The following MCOLN3 variants were observed in gnomAD, a reference collection of about 807,000 sequenced individuals.
The protein encoded by MCOLN3 is mucolipin-3.
MCOLN3 carries 62 observed loss-of-function variants against 69.4 expected under a neutral mutation model. That is an observed-to-expected ratio of 0.89 (90% CI 0.73 to 1.10). MCOLN3 has a LOEUF of 1.10. Among genes scored for constraint, MCOLN3 ranks in the 50% least tolerant of loss-of-function variants. The pLI is 0.00. For missense variants in MCOLN3, 564 were observed against 656.4 expected (o/e 0.86, Z 1.54); for synonymous variants, 183 against 217.0 (o/e 0.84, Z 1.38).
chr1:85,020,298 C>A (rs889390384), intron 12 of MCOLN3, among the ~76,000 whole-genome samples: 1 of 152,176 alleles, frequency 6.6e-6, no homozygotes, highest in Non-Finnish European at 1.5e-5. Flanking sequence ...CAGCTTCAAA[C>A]CAAGGCGTTC....
chr1:85,032,086 G>GAC (rs1475176879), intron 6 of MCOLN3, among the ~76,000 whole-genome samples: 5 of 149,986 alleles, frequency 3.3e-5, no homozygotes, highest in Non-Finnish European at 7.4e-5. Context: ...AAAAAAAGAA[G>GAC]AGAGAGAGAG....
In MCOLN3 at chr1:85,045,499, T is replaced by C. The variant is rs1653303825; in HGVS notation, c.-2-137A>G. On this transcript the variant is annotated intron_variant, in intron 1 of 12. Transcript: ENST00000370589. The stretch of plus-strand genomic sequence containing the variant: ...TCAAATAAGCACCATTGCTCTAAAC[T>C]GCATTTTAGATGTTTACAGAATCAG... 3 of 633,882 alleles carry C rather than the reference T, an allele frequency of 4.7e-6. No individual in the cohort carries two copies. In the Admixed American group the frequency reaches 9.2e-5, roughly 20 times the overall value. 39.3% of individuals were successfully genotyped at this position (633,882 alleles called of 1,614,324 possible).
At chr1:85,031,196 G>A (rs1398136517) in intron 6 of MCOLN3, among the ~76,000 whole-genome samples, 7 of 151,008 alleles carry the variant, frequency 4.6e-5, no homozygotes, top group Admixed American at 3.3e-4. Flanking sequence ...GCTTGAACCC[G>A]GGAGGCAGAG....
At chr1:85,019,525 C>T (rs143390441) in intron 12 of MCOLN3, among the ~76,000 whole-genome samples, 88 of 152,290 alleles carry the variant, frequency 5.8e-4, no homozygotes, top group Admixed American at 1.2e-3. Flanking sequence ...AAGTCTGAGT[C>T]GTCCTTCCAG....
At chr1:85,046,175 A>G (rs184704447) in intron 1 of MCOLN3, among the ~76,000 whole-genome samples, 2 of 152,358 alleles carry the variant, frequency 1.3e-5, no homozygotes, top group East Asian at 1.9e-4. Context: ...CTCAGGAAAC[A>G]TAACTGTTGT....
chr1:85,020,159 T>C (rs1034723961), intron 12 of MCOLN3, among the ~76,000 whole-genome samples: 15 of 152,196 alleles, frequency 9.9e-5, no homozygotes, highest in African/African-American at 3.6e-4. Flanking sequence ...TCTTTCCCAG[T>C]TGCCTTGGTG....
intron 2 of MCOLN3, among the ~76,000 whole-genome samples, chr1:85,044,712 C>CT (rs1324089962): frequency 3.3e-5 from 5 of 152,174 alleles, no homozygotes; most frequent in Admixed American, 3.3e-4. Context: ...TTGTGAGAAT[C>CT]TAAGAATTTG....
In MCOLN3 at chr1:85,022,403, AAGAG is replaced by A; in HGVS notation, c.1096-7_1096-4del. Reference sequence around the variant, plus strand: ...CAGACATCATAACTAGTTAGACTCTAAGAGAGAGTGGAAAAATATAATCAGATTA... The same window carrying A: ...CAGACATCATAACTAGTTAGACTCTAAGAGTGGAAAAATATAATCAGATTA... On this transcript the variant is annotated splice_region_variant and splice_polypyrimidine_tract_variant and intron_variant, in intron 9 of 12. Transcript: ENST00000370589. The A allele has an allele frequency of 6.4e-7, 1 of 1,566,732 alleles. No individual in the cohort carries two copies.
intron 4 of MCOLN3, 104 bp downstream of exon 4, chr1:85,033,994 C>G: frequency 8.1e-7 from 1 of 1,238,294 alleles, no homozygotes; most frequent in Non-Finnish European, 1.1e-6. Context: ...TTACTATGTC[C>G]TAATATCACA....
At chr1:85,040,394 G>GCTTT (rs1049991815) in intron 3 of MCOLN3, among the ~76,000 whole-genome samples, 41 of 152,254 alleles carry the variant, frequency 2.7e-4, no homozygotes, top group African/African-American at 9.9e-4. Context: ...CTTCAAGGAC[G>GCTTT]CTTTCAATGA....
chr1:85,033,879 A>C (rs986042677), intron 4 of MCOLN3, among the ~76,000 whole-genome samples: 1 of 152,194 alleles, frequency 6.6e-6, no homozygotes, highest in African/African-American at 2.4e-5. Flanking sequence ...CTTCTATAAA[A>C]GGGGATAATA....
intron 2 of MCOLN3, among the ~76,000 whole-genome samples, chr1:85,042,290 C>G (rs1487240440): frequency 6.6e-6 from 1 of 152,184 alleles, no homozygotes; most frequent in Non-Finnish European, 1.5e-5. Flanking sequence ...AATCTAGGTT[C>G]TATCCACCCT....
At chr1:85,026,735 T>C (rs1021787576) in intron 7 of MCOLN3, among the ~76,000 whole-genome samples, 1 of 148,024 alleles carries the variant, frequency 6.8e-6, no homozygotes, top group African/African-American at 2.5e-5. Flanking sequence ...CCAGGCTGGG[T>C]GACAGAGCGA....
Position 85,021,140 on chromosome 1 carries a change from A to C in MCOLN3, c.1457T>G (p.Ile486Ser). 1 of 1,612,914 alleles carries C rather than the reference A, an allele frequency of 6.2e-7. No individual in the cohort carries two copies. The highest frequency in any genetic ancestry group is 8.5e-7 in the Non-Finnish European group (1 of 1,179,302). Residue 486 changes from isoleucine (I) to serine (S), a missense_variant, in exon 12 of 13, where the codon ATC becomes AGC. Coordinates refer to ENST00000370589, the MANE Select transcript of MCOLN3 (RefSeq NM_018298.11). ...TAAAATCATATATATAAAGAGGCTG[A>C]TGAATGAGTAGAGGTAAATTCTACT... is the stretch of plus-strand genomic sequence containing the variant. Reference protein sequence around the residue: ...LFSRIYLYSFISLFIYMILSL... With the variant: ...LFSRIYLYSFSSLFIYMILSL...
chr1:85,027,823 G>T (rs934944574), intron 7 of MCOLN3, among the ~76,000 whole-genome samples: 1 of 152,144 alleles, frequency 6.6e-6, no homozygotes, highest in African/African-American at 2.4e-5. Context: ...GCCACCATGC[G>T]TGGAGCCAAT....
chr1:85,033,070 T>C (rs1652620336), intron 4 of MCOLN3, 114 bp from the exon 5 acceptor site: 2 of 948,192 alleles, frequency 2.1e-6, no homozygotes, highest in South Asian at 1.5e-5. Flanking sequence ...GATTCTATTA[T>C]TTTTCTGAAT....
At chr1:85,021,986 AG>A (rs981067519) in intron 11 of MCOLN3, 83 bp downstream of exon 11, 1 of 1,488,908 alleles carries the variant, frequency 6.7e-7, no homozygotes, top group African/African-American at 1.4e-5. Context: ...ACAAAATAAA[AG>A]GAGTTCATTG....
chr1:85,032,774 A>C lies in MCOLN3; in HGVS notation c.654T>G (p.Leu218=). The C allele has an allele frequency of 6.2e-7, 1 of 1,614,108 alleles. No individual in the cohort carries two copies. Among genetic ancestry groups the C allele is most frequent in the Non-Finnish European group, 8.5e-7 (1 of 1,179,936 alleles). Residue 218 remains leucine (L), a synonymous_variant, in exon 6 of 13, where the codon CTT becomes CTG. Transcript: ENST00000370589. ...GATTAATGGCTTTCAGTTTAAACTG[A>C]AGCTCCACTGTTAGGAGTCTAGAAA... ...LDFHRLLTVE[L]QFKLKAINLQ...
At chr1:85,032,670 C>T in intron 6 of MCOLN3, 26 bp downstream of exon 6, 1 of 1,561,824 alleles carries the variant, frequency 6.4e-7, no homozygotes, top group South Asian at 1.1e-5. Flanking sequence ...CAGACTGGAA[C>T]CAAATTCAGC....
Sources: gnomAD v4.1 joint callset for allele counts (sites outside exome capture counted in the v4.1 genomes callset) on GRCh38, gnomAD v4.1.1 for gene constraint, MANE v1.5 for transcripts, NCBI Gene and HGNC (gene_info 2026-07-23, HGNC 2026-07-21) for gene names.